The following GNG7 variants were observed in gnomAD, a reference collection of about 807,000 sequenced individuals.
GNG7 encodes G protein subunit gamma 7, also known as guanine nucleotide-binding protein G(I)/G(S)/G(O) subunit gamma-7.
Under a neutral mutation model 4.0 loss-of-function variants are expected in GNG7, and 1 was observed. The ratio of observed to expected loss-of-function variants is 0.25; its 90% CI spans 0.09 to 1.18. The LOEUF is 1.18. GNG7 is among the 50% of genes most tolerant of loss of function. The pLI, the probability that GNG7 is intolerant of heterozygous loss-of-function variation, is 0.50. For missense variants in GNG7, 86 were observed against 91.9 expected (o/e 0.94, Z 0.26); for synonymous variants, 34 against 36.9 (o/e 0.92, Z 0.29).
intron 2 of GNG7, among the ~76,000 whole-genome samples, chr19:2,575,546 C>T (rs1568249775): frequency 7.3e-6 from 1 of 137,708 alleles, no homozygotes; most frequent in African/African-American, 2.8e-5. Flanking sequence ...GACAGGCAGG[C>T]ACACGCAGAC....
At chr19:2,625,246 T>A (rs958848327) in intron 2 of GNG7, among the ~76,000 whole-genome samples, 2 of 152,146 alleles carry the variant, frequency 1.3e-5, no homozygotes, top group South Asian at 2.1e-4. Context: ...TTTTTAAAAA[T>A]TTTTTTGTAG....
At position 2,512,902 on chromosome 19, in the gene GNG7, G is replaced by A. The variant is rs917111087; in HGVS notation, c.*2120C>T. ...TGCCATTCCTGCTATGCGTGGTGGGGACGCCCACACCCCAAACCCTGCCGG... is the reference window on the plus strand; with the variant it reads ...TGCCATTCCTGCTATGCGTGGTGGGAACGCCCACACCCCAAACCCTGCCGG... On this transcript the variant is annotated 3_prime_UTR_variant, in exon 5 of 5. Coordinates refer to ENST00000382159, the MANE Select transcript of GNG7 (RefSeq NM_052847.3). This position sits in a 1 kb window ranked among gnomAD's most constrained non-coding sequence, Gnocchi z 4.7. 1.0e-6 allele frequency: 1 copy of A among 985,180 alleles called. No individual in the cohort carries two copies. 61.0% of individuals were successfully genotyped at this position (985,180 alleles called of 1,614,324 possible).
chr19:2,541,864 A>G (rs1481930097), intron 3 of GNG7, among the ~76,000 whole-genome samples: 3 of 152,042 alleles, frequency 2.0e-5, no homozygotes, highest in Non-Finnish European at 2.9e-5. Context: ...GCAGTGAGCT[A>G]GGGTTTCACC....
At position 2,596,645 on chromosome 19, in the gene GNG7, G is replaced by T. The variant is rs549799747; in HGVS notation, c.-77-41457C>A. Among the ~76,000 whole-genome samples the T allele has an allele frequency of 1.5e-3, 226 of 150,312 alleles. 1 individual carries two copies. The highest frequency in any genetic ancestry group is 2.7e-3 in the Non-Finnish European group (184 of 67,660). ...GATTATGCCACTGCACTCCAGCCTG[G>T]GTGACAAAGTGAGACCCTGTCCCCC... On this transcript the variant is annotated intron_variant, in intron 2 of 4. Coordinates refer to ENST00000382159, the MANE Select transcript of GNG7 (RefSeq NM_052847.3).
intron 2 of GNG7, among the ~76,000 whole-genome samples, chr19:2,593,009 GA>G (rs1024330118): frequency 3.5e-5 from 5 of 144,094 alleles, no homozygotes; most frequent in South Asian, 2.2e-4. Context: ...AAGGAGAAGG[GA>G]AAAAAAGAAA....
At chr19:2,673,450 T>A (rs951897750) in intron 1 of GNG7, among the ~76,000 whole-genome samples, 25 of 151,918 alleles carry the variant, frequency 1.6e-4, no homozygotes, top group African/African-American at 6.0e-4. Flanking sequence ...CCCAGCACTT[T>A]GGGAGGCCGA....
chr19:2,696,755 A>T lies in GNG7; in HGVS notation c.-135+5891T>A, dbSNP rs192889578. Among the ~76,000 whole-genome samples, 25 of 152,358 alleles carry T rather than the reference A, an allele frequency of 1.6e-4. No individual in the cohort carries two copies. In the East Asian group the frequency reaches 4.8e-3, roughly 29 times the overall value. On this transcript the variant is annotated intron_variant, in intron 1 of 4. Transcript: ENST00000382159. ...GACCCATTTCTTTGAAATGTCTAGGACAGGCCAGTCCAGAGACAGGAGGGA... is the reference window on the plus strand; with the variant it reads ...GACCCATTTCTTTGAAATGTCTAGGTCAGGCCAGTCCAGAGACAGGAGGGA...
chr19:2,618,379 C>T lies in GNG7; in HGVS notation c.-78+27845G>A, dbSNP rs1981778737. ...TGTGTGTGTGTGTGTGTGTGTATCT[C>T]ACTCTGTTGCCCAGGCTGGAGTGCA... On this transcript the variant is annotated intron_variant, in intron 2 of 4. Transcript: ENST00000382159. The surrounding 1 kb of genome is among the most constrained non-coding windows in gnomAD (Gnocchi z 5.1). 7.1e-6 allele frequency among the ~76,000 whole-genome samples: 1 copy of T among 141,634 alleles called. No individual in the cohort carries two copies. Among genetic ancestry groups the T allele is most frequent in the Non-Finnish European group, 1.5e-5 (1 of 64,840 alleles). 92.9% of individuals were successfully genotyped at this position (141,634 alleles called of 152,430 possible).
intron 3 of GNG7, among the ~76,000 whole-genome samples, chr19:2,551,637 A>T (rs1385671164): frequency 1.4e-5 from 2 of 144,502 alleles, no homozygotes; most frequent in African/African-American, 5.1e-5. Flanking sequence ...ATATAAAAAC[A>T]CATATACATA....
intron 1 of GNG7, among the ~76,000 whole-genome samples, chr19:2,657,361 A>AAAAAATATAT (rs1555701153): frequency 6.1e-5 from 1 of 16,334 alleles, no homozygotes; most frequent in Non-Finnish European, 1.0e-4. Context: ...AAAAAAAAAA[A>AAAAAATATAT]ATATATATAT....
rs1288070005 is a variant in GNG7, at chr19:2,618,861, AC to A, written c.-78+27362del. Among the ~76,000 whole-genome samples, 1 of 151,724 alleles carries A rather than the reference AC, an allele frequency of 6.6e-6. No homozygotes were observed. The highest frequency in any genetic ancestry group is 1.5e-5 in the Non-Finnish European group (1 of 67,940). ...TTCAGCTTCCCTCAGTTTTCCCCTC[AC>A]GACCTTTCCTGCCCCATTGTGACCC... is the stretch of plus-strand genomic sequence containing the variant. On this transcript the variant is annotated intron_variant, in intron 2 of 4. Coordinates refer to ENST00000382159, the MANE Select transcript of GNG7 (RefSeq NM_052847.3). This position sits in a 1 kb window ranked among gnomAD's most constrained non-coding sequence, Gnocchi z 5.1.
intron 1 of GNG7, among the ~76,000 whole-genome samples, chr19:2,697,445 A>AG (rs1913294058): frequency 6.6e-6 from 1 of 152,120 alleles, no homozygotes; most frequent in South Asian, 2.1e-4. Flanking sequence ...TGTGTGACTG[A>AG]GGATGGGTCA....
intron 3 of GNG7, among the ~76,000 whole-genome samples, chr19:2,533,114 G>C (rs1204681323): frequency 6.6e-6 from 1 of 151,552 alleles, no homozygotes; most frequent in African/African-American, 2.4e-5. Flanking sequence ...CACAAAAAAA[G>C]AATAAACTAT....
At chr19:2,552,844 C>T (rs1031844788) in intron 3 of GNG7, among the ~76,000 whole-genome samples, 7 of 96,088 alleles carry the variant, frequency 7.3e-5, no homozygotes, top group Non-Finnish European at 1.2e-4. Flanking sequence ...ACCATCCTCC[C>T]GGCTCCACCC....
intron 1 of GNG7, among the ~76,000 whole-genome samples, chr19:2,663,006 A>G (rs1983218008): frequency 6.6e-6 from 1 of 152,200 alleles, no homozygotes; most frequent in African/African-American, 2.4e-5. Context: ...ACCAAATAAT[A>G]TAATAAATAT....
chr19:2,635,725 G>A (rs983758853), intron 2 of GNG7, among the ~76,000 whole-genome samples: 1 of 152,136 alleles, frequency 6.6e-6, no homozygotes, highest in African/African-American at 2.4e-5. Flanking sequence ...TGGGATTGCA[G>A]GCGCCCGCCA....
chr19:2,645,320 C>G (rs1453747741), intron 2 of GNG7, among the ~76,000 whole-genome samples: 1 of 150,842 alleles, frequency 6.6e-6, no homozygotes, highest in Non-Finnish European at 1.5e-5. Context: ...CTCACTGCAA[C>G]CACCATCTCC....
chr19:2,575,727 G>GCAGACA (rs1980301849), intron 2 of GNG7, among the ~76,000 whole-genome samples: 1 of 55,726 alleles, frequency 1.8e-5, no homozygotes, highest in Non-Finnish European at 3.1e-5. Context: ...ACGCAGACAC[G>GCAGACA]CAGGCACACG....
In GNG7 at chr19:2,515,121, C is replaced by T. The variant is rs1325024174; in HGVS notation, c.108G>A (p.Met36Ile). ...IKVSKAASDL[M>I]SYCEQHARND... ...TCCGGGCATGTTGCTCACAGTAGCT[C>T]ATGAGGTCAGACGCCGCTTTGGAGA... is the stretch of plus-strand genomic sequence containing the variant. The change falls in exon 5 of 5, where the codon ATG becomes ATA. Residue 36 changes from methionine (M) to isoleucine (I), a missense_variant. By Grantham distance (10) the Met-to-Ile change is conservative. Coordinates refer to ENST00000382159, the MANE Select transcript of GNG7 (RefSeq NM_052847.3). 5 of 1,613,850 alleles carry T rather than the reference C, an allele frequency of 3.1e-6. No individual in the cohort carries two copies. Among genetic ancestry groups the T allele is most frequent in the South Asian group, 1.1e-5 (1 of 91,074 alleles).
Sources: gnomAD v4.1 joint callset for allele counts (sites outside exome capture counted in the v4.1 genomes callset) on GRCh38, gnomAD v4.1.1 for gene constraint, Gnocchi (gnomAD v3.1) non-coding constraint, MANE v1.5 for transcripts, NCBI Gene and HGNC (gene_info 2026-07-23, HGNC 2026-07-21) for gene names.